Variants in TNFSF11 observed in about 807,000 individuals in gnomAD.
TNFSF11 encodes the protein TNF superfamily member 11, also known as tumor necrosis factor ligand superfamily member 11.
In TNFSF11, 12 loss-of-function variants were observed where a neutral mutation model predicts 32.2. That is an observed-to-expected ratio of 0.37 (90% CI 0.24 to 0.60). TNFSF11 has a LOEUF of 0.60. Ranked by LOEUF, TNFSF11 falls within the 20% of genes least tolerant of loss-of-function variation. The probability of loss-of-function intolerance (pLI) is 0.66; values close to 1 mark genes in which losing one functional copy is unlikely to be tolerated. For synonymous variants in TNFSF11, 172 were observed against 152.1 expected, an observed-to-expected ratio of 1.13 and a Z score of -0.96; for missense variants, 345 against 398.0, an observed-to-expected ratio of 0.87 and a Z score of 1.13.
intron 1 of TNFSF11, among the ~76,000 whole-genome samples, chr13:42,575,043 G>T: frequency 6.6e-6 from 1 of 152,202 alleles, no homozygotes; most frequent in Non-Finnish European, 1.5e-5. Flanking sequence ...TGCGCGGAGC[G>T]GGAGGTCGCG....
intron 2 of TNFSF11, among the ~76,000 whole-genome samples, chr13:42,595,879 G>A (rs997098774): frequency 3.3e-5 from 5 of 152,174 alleles, no homozygotes; most frequent in East Asian, 3.9e-4. Flanking sequence ...CGGCAGTGCC[G>A]TCTGAATGAT....
chr13:42,568,027 G>A (rs1220234421), intron 2 of TNFSF11, among the ~76,000 whole-genome samples: 6 of 152,204 alleles, frequency 3.9e-5, no homozygotes, highest in African/African-American at 1.4e-4. Flanking sequence ...ACTTTCTCCT[G>A]ATAAGAGACC....
At chr13:42,568,147 A>G (rs979368891) in intron 2 of TNFSF11, among the ~76,000 whole-genome samples, 1 of 152,198 alleles carries the variant, frequency 6.6e-6, no homozygotes, top group African/African-American at 2.4e-5. Flanking sequence ...CTCCATCCCA[A>G]TGGAACTGTG....
chr13:42,574,081 C>T (rs768341118), upstream of TNFSF11: 79 of 584,402 alleles, frequency 1.4e-4, no homozygotes, highest in Non-Finnish European at 2.1e-4. Flanking sequence ...GCAGCCTCGC[C>T]TGGGGCTGAT....
intron 2 of TNFSF11, among the ~76,000 whole-genome samples, chr13:42,582,360 A>G (rs1379551547): frequency 6.6e-6 from 1 of 152,250 alleles, no homozygotes; most frequent in African/African-American, 2.4e-5. Context: ...TTATAAAGCC[A>G]GCTAATGAAG....
In TNFSF11 at chr13:42,580,409, G is replaced by A. The variant is rs143053045; in HGVS notation, c.220-717G>A. Among the ~76,000 whole-genome samples the A allele has an allele frequency of 1.7e-3, 260 of 152,222 alleles. 1 individual carries two copies. The highest frequency in any genetic ancestry group is 5.9e-3 in the African/African-American group (245 of 41,536). Reference sequence around the variant, plus strand: ...GAATCTTAGCATCCCTCCAGCACACGTCTGTAATATCTGTTCATGCAGCCT... The same window carrying A: ...GAATCTTAGCATCCCTCCAGCACACATCTGTAATATCTGTTCATGCAGCCT... On this transcript the variant is annotated intron_variant, in intron 1 of 4. Coordinates refer to ENST00000398795, the MANE Select transcript of TNFSF11 (RefSeq NM_003701.4).
At chr13:42,584,351 T>A (rs970285015) in intron 2 of TNFSF11, among the ~76,000 whole-genome samples, 1 of 152,230 alleles carries the variant, frequency 6.6e-6, no homozygotes, top group African/African-American at 2.4e-5. Context: ...TTTTAAAAGT[T>A]ATAGTAATTT....
chr13:42,577,911 C>G (rs1194153194), intron 1 of TNFSF11, among the ~76,000 whole-genome samples: 2 of 152,180 alleles, frequency 1.3e-5, no homozygotes, highest in Non-Finnish European at 2.9e-5. Flanking sequence ...CATTTTAAGT[C>G]AGATATTCAA....
At chr13:42,605,538 G>GAAATAT (rs1869407730) in intron 4 of TNFSF11, among the ~76,000 whole-genome samples, 1 of 152,152 alleles carries the variant, frequency 6.6e-6, no homozygotes, top group African/African-American at 2.4e-5. Context: ...ATACACCAAA[G>GAAATAT]GACCTGAAAT....
chr13:42,600,494 C>T (rs558637316), intron 2 of TNFSF11, among the ~76,000 whole-genome samples: 2 of 152,274 alleles, frequency 1.3e-5, no homozygotes, highest in South Asian at 2.1e-4. Flanking sequence ...TAATCTACAT[C>T]GTCTTTTACT....
At chr13:42,574,551 G>C (rs1873213485) in intron 1 of TNFSF11, 29 bp downstream of exon 1, 3 of 1,596,656 alleles carry the variant, frequency 1.9e-6, no homozygotes, top group Admixed American at 3.4e-5. Flanking sequence ...AGGGGATCGC[G>C]GCTGAGAGCG....
At chr13:42,574,025 G>T (rs1036879945), upstream of TNFSF11, 10 of 521,658 alleles carry the variant, frequency 1.9e-5, no homozygotes, top group Admixed American at 2.0e-4. Context: ...TGAGAGAGAG[G>T]GAGGGCGAAA....
upstream of TNFSF11, among the ~76,000 whole-genome samples, chr13:42,569,992 A>C (rs2137845952): frequency 6.6e-6 from 1 of 152,270 alleles, no homozygotes; most frequent in African/African-American, 2.4e-5. Context: ...AAATTATATT[A>C]ACATTATGTT....
chr13:42,581,798 A>G (rs1272408280), intron 2 of TNFSF11, among the ~76,000 whole-genome samples: 1 of 152,212 alleles, frequency 6.6e-6, no homozygotes, highest in East Asian at 1.9e-4. Flanking sequence ...AGAGCAGGAA[A>G]CAATGTGAGA....
intron 4 of TNFSF11, among the ~76,000 whole-genome samples, chr13:42,605,417 C>T (rs960229105): frequency 3.3e-5 from 5 of 152,202 alleles, no homozygotes; most frequent in African/African-American, 1.2e-4. Context: ...ACAACTTTCC[C>T]ACCATTAGTT....
At chr13:42,594,388 A>G (rs1219367017) in intron 2 of TNFSF11, among the ~76,000 whole-genome samples, 1 of 151,506 alleles carries the variant, frequency 6.6e-6, no homozygotes, top group African/African-American at 2.4e-5. Context: ...AGGCCTATTT[A>G]TATTACTTTG....
intron 4 of TNFSF11, among the ~76,000 whole-genome samples, chr13:42,604,228 G>C (rs1869330465): frequency 6.6e-6 from 1 of 152,190 alleles, no homozygotes. Flanking sequence ...CTTGAGATGG[G>C]AAACATCTTG....
chr13:42,579,830 T>C (rs1873514890), intron 1 of TNFSF11, among the ~76,000 whole-genome samples: 1 of 151,494 alleles, frequency 6.6e-6, no homozygotes, highest in Non-Finnish European at 1.5e-5. Context: ...TTGTACACAG[T>C]TTTGCTTCAC....
At position 42,574,399 on chromosome 13, in the gene TNFSF11, CCCG is replaced by C. The variant is rs1296110783; in HGVS notation, c.105_107del (p.Pro36del). 6.4e-7 allele frequency: 1 copy of C among 1,555,788 alleles called. No individual in the cohort carries two copies. Among genetic ancestry groups the C allele is most frequent in the Non-Finnish European group, 8.7e-7 (1 of 1,152,350 alleles). On this transcript the variant is annotated inframe_deletion, in exon 1 of 5. Coordinates refer to ENST00000398795, the MANE Select transcript of TNFSF11 (RefSeq NM_003701.4). Reference sequence around the variant, plus strand: ...CCCCGCACGAGGGCCCCCTGCACGCCCCGCCGCCGCCTGCGCCGCACCAGCCCC... The same window carrying C: ...CCCCGCACGAGGGCCCCCTGCACGCCCCGCCGCCTGCGCCGCACCAGCCCC...
Sources: allele counts gnomAD v4.1 joint callset (sites outside exome capture counted in the v4.1 genomes callset), GRCh38; gene constraint gnomAD v4.1.1; transcripts MANE v1.5; gene names NCBI Gene and HGNC (gene_info 2026-07-23, HGNC 2026-07-21).